MACC1: variants seen among roughly 807,000 people sequenced by gnomAD.
The protein encoded by MACC1 is metastasis-associated in colon cancer protein 1.
A neutral mutation model predicts 70.7 loss-of-function variants in MACC1; 79 were observed. That is an observed-to-expected ratio of 1.12 (90% CI 0.93 to 1.35). The LOEUF is 1.35. Ranked by LOEUF, MACC1 falls within the 40% of genes most tolerant of loss-of-function variation. The pLI, the probability that MACC1 is intolerant of heterozygous loss-of-function variation, is 0.00. For synonymous variants in MACC1, 361 were observed against 347.2 expected, an observed-to-expected ratio of 1.04 and a Z score of -0.44; for missense variants, 1,106 against 978.1, an observed-to-expected ratio of 1.13 and a Z score of -1.74.
intron 3 of MACC1, among the ~76,000 whole-genome samples, chr7:20,162,441 G>T (rs1204955243): frequency 6.6e-6 from 1 of 152,058 alleles, no homozygotes; most frequent in Non-Finnish European, 1.5e-5. Flanking sequence ...AACTTCTTAA[G>T]CTATTTTAAT....
Position 20,211,887 on chromosome 7 carries a change from C to T in MACC1, c.-218+5412G>A, listed in dbSNP as rs539325707. ...AAATAAGTTGTGCTGTAAGAATAGA[C>T]ATGGATTAATCTTAAAAGTATAATG... On this transcript the variant is annotated intron_variant, in intron 1 of 6. Transcript: ENST00000400331. 3.9e-5 allele frequency among the ~76,000 whole-genome samples: 6 copies of T among 152,208 alleles called. No individual in the cohort carries two copies. In the South Asian group the frequency reaches 1.2e-3, roughly 32 times the overall value.
intron 1 of MACC1, among the ~76,000 whole-genome samples, chr7:20,174,988 TATC>T (rs1782369913): frequency 6.6e-6 from 1 of 152,126 alleles, no homozygotes; most frequent in African/African-American, 2.4e-5. Context: ...ATATCCCAAA[TATC>T]ATCTCCCAGT....
At chr7:20,209,430 C>T (rs1321441403) in intron 1 of MACC1, among the ~76,000 whole-genome samples, 1 of 152,212 alleles carries the variant, frequency 6.6e-6, no homozygotes, top group Non-Finnish European at 1.5e-5. Flanking sequence ...TGAGATCATT[C>T]TGGAACTTTA....
chr7:20,171,133 T>A (rs993804077), intron 1 of MACC1, among the ~76,000 whole-genome samples: 15 of 152,160 alleles, frequency 9.9e-5, no homozygotes, highest in Admixed American at 8.5e-4. Context: ...TATAGACAAC[T>A]GATAGAGAAA....
At chr7:20,202,700 C>T (rs1782850499) in intron 1 of MACC1, among the ~76,000 whole-genome samples, 1 of 152,146 alleles carries the variant, frequency 6.6e-6, no homozygotes, top group African/African-American at 2.4e-5. Flanking sequence ...TACATTCATG[C>T]AGCTGTTGAA....
chr7:20,177,871 C>A (rs1782420947), intron 1 of MACC1, among the ~76,000 whole-genome samples: 2 of 152,034 alleles, frequency 1.3e-5, no homozygotes, highest in Non-Finnish European at 1.5e-5. Context: ...AATTGTTGGA[C>A]TTTTTTAAAC....
intron 1 of MACC1, among the ~76,000 whole-genome samples, chr7:20,171,676 G>A (rs1288670186): frequency 6.6e-6 from 1 of 150,980 alleles, no homozygotes; most frequent in African/African-American, 2.4e-5. Flanking sequence ...CCACCTCCCA[G>A]GTTCAAGCAA....
At chr7:20,156,456 C>A (rs531711429) in intron 5 of MACC1, among the ~76,000 whole-genome samples, 7 of 152,256 alleles carry the variant, frequency 4.6e-5, no homozygotes, top group African/African-American at 1.7e-4. Context: ...GACCTTTGGC[C>A]ATTACAACAT....
At chr7:20,170,847 C>G (rs575620535) in intron 1 of MACC1, 69 bp from the exon 2 acceptor site, 3 of 152,298 alleles carry the variant, frequency 2.0e-5, no homozygotes, top group Non-Finnish European at 2.9e-5. Context: ...TATGCACTAA[C>G]GTTTGCTATG....
In MACC1 at chr7:20,165,537, G is replaced by GAA. The variant is rs11415040; in HGVS notation, c.-152-1140_-152-1139dup. Among the ~76,000 whole-genome samples, 1,426 of 149,058 alleles carry GAA rather than the reference G, an allele frequency of 9.6e-3. 20 individuals are homozygous for GAA. Among genetic ancestry groups the GAA allele is most frequent in the African/African-American group, 0.027 (1,117 of 40,684 alleles). ...GAATCCAAGGAGAGGTGGTATAGGG[G>GAA]AAAAAAAAAAATCCTCGACTGGAAG... On this transcript the variant is annotated intron_variant, in intron 2 of 6. Transcript: ENST00000400331.
intron 1 of MACC1, among the ~76,000 whole-genome samples, chr7:20,174,763 T>C (rs886230042): frequency 6.6e-6 from 1 of 152,156 alleles, no homozygotes; most frequent in African/African-American, 2.4e-5. Context: ...TGTTCACATT[T>C]GTGTATGACT....
chr7:20,143,756 G>T (rs1206972713), intron 6 of MACC1, among the ~76,000 whole-genome samples: 1 of 152,140 alleles, frequency 6.6e-6, no homozygotes, highest in Non-Finnish European at 1.5e-5. Context: ...AGAAATTTGG[G>T]TACAATACTG....
intron 1 of MACC1, among the ~76,000 whole-genome samples, chr7:20,201,248 G>A (rs1782829778): frequency 6.6e-6 from 1 of 152,120 alleles, no homozygotes; most frequent in South Asian, 2.1e-4. Flanking sequence ...CCCCCCCATG[G>A]ACTAATTATG....
intron 1 of MACC1, among the ~76,000 whole-genome samples, chr7:20,190,503 C>T (rs1306625157): frequency 6.6e-6 from 1 of 152,028 alleles, no homozygotes; most frequent in Admixed American, 6.6e-5. Flanking sequence ...AATATATGAG[C>T]CAAGGCATAG....
chr7:20,213,833 A>T (rs1000513984), intron 1 of MACC1, among the ~76,000 whole-genome samples: 1 of 152,130 alleles, frequency 6.6e-6, no homozygotes, highest in Non-Finnish European at 1.5e-5. Flanking sequence ...TGATGAAATA[A>T]TCTGTACAAC....
intron 1 of MACC1, among the ~76,000 whole-genome samples, chr7:20,205,496 A>T (rs1484078526): frequency 6.6e-6 from 1 of 150,724 alleles, no homozygotes; most frequent in African/African-American, 2.5e-5. Flanking sequence ...CTCACCTGTA[A>T]TTCAATCTAT....
intron 6 of MACC1, among the ~76,000 whole-genome samples, chr7:20,143,380 G>T (rs1781836498): frequency 6.6e-6 from 1 of 152,144 alleles, no homozygotes; most frequent in Non-Finnish European, 1.5e-5. Context: ...TGTTGTTGTT[G>T]TTGTTGCTTT....
intron 1 of MACC1, among the ~76,000 whole-genome samples, chr7:20,181,261 A>T (rs1782502420): frequency 6.6e-6 from 1 of 152,138 alleles, no homozygotes; most frequent in East Asian, 1.9e-4. Context: ...AAAATCTTAC[A>T]TTATATAAAT....
intron 1 of MACC1, among the ~76,000 whole-genome samples, chr7:20,185,627 TATAAG>T (rs1782575388): frequency 2.0e-5 from 3 of 152,140 alleles, no homozygotes; most frequent in African/African-American, 7.2e-5. Context: ...AATCATTACC[TATAAG>T]ATAAGATATG....
Sources: allele counts gnomAD v4.1 joint callset (sites outside exome capture counted in the v4.1 genomes callset), GRCh38; gene constraint gnomAD v4.1.1; transcripts MANE v1.5; gene names NCBI Gene and HGNC (gene_info 2026-07-23, HGNC 2026-07-21).